Variants in F13A1 observed in about 807,000 individuals in gnomAD.
The protein encoded by F13A1 is coagulation factor XIII A chain, also known as FSF, A subunit.
A neutral mutation model predicts 80.1 loss-of-function variants in F13A1; 47 were observed. The ratio of observed to expected loss-of-function variants is 0.59; its 90% confidence interval spans 0.46 to 0.75. The LOEUF (loss-of-function observed/expected upper bound fraction) is 0.75. F13A1 is among the 30% of genes least tolerant of loss of function. F13A1 has a pLI of 0.00. For missense variants in F13A1, 817 were observed against 930.4 expected (o/e 0.88, Z 1.59); for synonymous variants, 349 against 344.9 (o/e 1.01, Z -0.13).
chr6:6,253,162 A>AG (rs1554102994), intron 4 of F13A1, among the ~76,000 whole-genome samples: 44 of 106,334 alleles, frequency 4.1e-4, no homozygotes, highest in South Asian at 1.3e-3. Flanking sequence ...AAAAAAAAAA[A>AG]AGAGAGAGAG....
intron 12 of F13A1, among the ~76,000 whole-genome samples, chr6:6,171,065 G>A (rs904721560): frequency 6.6e-6 from 1 of 152,080 alleles, no homozygotes; most frequent in Non-Finnish European, 1.5e-5. Flanking sequence ...ACCCATACAA[G>A]CTCATTCTTT....
chr6:6,228,360 T>G (rs1757304406), intron 6 of F13A1, among the ~76,000 whole-genome samples: 1 of 152,148 alleles, frequency 6.6e-6, no homozygotes, highest in Admixed American at 6.6e-5. Flanking sequence ...ATGGCTCAGC[T>G]CCTAACCTTA....
chr6:6,279,394 C>T (rs1048128446), intron 3 of F13A1, among the ~76,000 whole-genome samples: 2 of 152,212 alleles, frequency 1.3e-5, no homozygotes, highest in African/African-American at 4.8e-5. Flanking sequence ...ATAAACCAAA[C>T]TGCATACCCA....
chr6:6,144,634 G>A lies in F13A1; in HGVS notation c.*985C>T, dbSNP rs989076319. On this transcript the variant is annotated 3_prime_UTR_variant, in exon 15 of 15. Coordinates refer to ENST00000264870, the MANE Select transcript of F13A1 (RefSeq NM_000129.4). ...AAGCTGAGGTCTCAACATGGGTGAT[G>A]TGAAGGACAAGAGAGAATCAGTGGC... 1 of 152,198 alleles carries A rather than the reference G, an allele frequency of 6.6e-6. No individual in the cohort carries two copies. Among genetic ancestry groups the A allele is most frequent in the Non-Finnish European group, 1.5e-5 (1 of 68,044 alleles). The allele number at this position is 152,198 out of a possible 1,614,324, so 9.4% of individuals were successfully genotyped here.
chr6:6,183,714 C>T (rs1761028528), intron 10 of F13A1, among the ~76,000 whole-genome samples: 1 of 152,166 alleles, frequency 6.6e-6, no homozygotes, highest in Non-Finnish European at 1.5e-5. Context: ...TAGAAAGTAA[C>T]AGCCAAGGTG....
At chr6:6,220,037 C>A (rs1359355909) in intron 8 of F13A1, among the ~76,000 whole-genome samples, 1 of 152,200 alleles carries the variant, frequency 6.6e-6, no homozygotes, top group Non-Finnish European at 1.5e-5. Context: ...TGCCCAAAGT[C>A]ACACAGCTTG....
At chr6:6,263,476 C>CCTCCTTTGTTGACTT (rs1210946622) in intron 4 of F13A1, among the ~76,000 whole-genome samples, 2 of 152,154 alleles carry the variant, frequency 1.3e-5, no homozygotes, top group Non-Finnish European at 2.9e-5. Flanking sequence ...TCCTGCTCAG[C>CCTCCTTTGTTGACTT]CTCCTTTGTT....
intron 3 of F13A1, among the ~76,000 whole-genome samples, chr6:6,273,378 G>A (rs1757947010): frequency 6.6e-6 from 1 of 152,152 alleles, no homozygotes; most frequent in Admixed American, 6.5e-5. Flanking sequence ...TAGAAGCTCT[G>A]GAATGAGATG....
At chr6:6,251,042 T>C in intron 4 of F13A1, 113 bp from the exon 5 acceptor site, 3 of 831,652 alleles carry the variant, frequency 3.6e-6, no homozygotes, top group South Asian at 1.3e-5. Flanking sequence ...GCCAAATTTT[T>C]AAAAAATGCC....
At chr6:6,264,614 C>T (rs533666116) in intron 4 of F13A1, among the ~76,000 whole-genome samples, 3 of 152,122 alleles carry the variant, frequency 2.0e-5, no homozygotes, top group Non-Finnish European at 2.9e-5. Flanking sequence ...CTCTGATTTT[C>T]TTCTCCAGAT....
intron 13 of F13A1, among the ~76,000 whole-genome samples, chr6:6,153,854 C>T (rs142296699): frequency 1.3e-5 from 2 of 152,218 alleles, no homozygotes; most frequent in South Asian, 2.1e-4. Flanking sequence ...TGTATCAGCT[C>T]GATCAGACTA....
intron 4 of F13A1, among the ~76,000 whole-genome samples, chr6:6,263,159 C>T (rs1321674360): frequency 6.6e-6 from 1 of 152,214 alleles, no homozygotes; most frequent in East Asian, 1.9e-4. Flanking sequence ...TCTCCTTTGA[C>T]CTTCGCTTCA....
intron 3 of F13A1, among the ~76,000 whole-genome samples, chr6:6,280,890 A>T (rs1351891885): frequency 1.3e-5 from 2 of 152,214 alleles, no homozygotes; most frequent in Non-Finnish European, 2.9e-5. Flanking sequence ...AAAGTGGCAC[A>T]GTGGAATTTC....
intron 3 of F13A1, among the ~76,000 whole-genome samples, chr6:6,269,967 C>A (rs1047561760): frequency 4.6e-5 from 7 of 152,284 alleles, no homozygotes; most frequent in South Asian, 4.1e-4. Context: ...CCGCCTAGGC[C>A]TCCCAAAGTG....
At chr6:6,310,200 G>A (rs1742938) in intron 2 of F13A1, among the ~76,000 whole-genome samples, 111,430 of 152,116 alleles carry the variant, frequency 0.73, 41,222 homozygotes, top group East Asian at 0.86. Flanking sequence ...GGAAAATGCT[G>A]GCCTAACCAA....
intron 6 of F13A1, among the ~76,000 whole-genome samples, chr6:6,238,500 T>C (rs1757441731): frequency 6.6e-6 from 1 of 152,090 alleles, no homozygotes; most frequent in African/African-American, 2.4e-5. Context: ...GGGATGACTA[T>C]TAAAGAACAA....
chr6:6,161,551 T>TGTGTGTGTGTGTGTGTGTGTGTGTGTGA (rs1010361754), intron 13 of F13A1, among the ~76,000 whole-genome samples: 1 of 146,282 alleles, frequency 6.8e-6, no homozygotes, highest in African/African-American at 2.5e-5. Context: ...TGTGTGTGTG[T>TGTGTGTGTGTGTGTGTGTGTGTGTGTGA]GAGAGAGAGA....
chr6:6,149,026 A>C (rs1343401133), intron 14 of F13A1, among the ~76,000 whole-genome samples: 3 of 152,182 alleles, frequency 2.0e-5, no homozygotes, highest in Non-Finnish European at 4.4e-5. Flanking sequence ...ATAGAAGCAA[A>C]GAGCAGAACA....
intron 2 of F13A1, among the ~76,000 whole-genome samples, chr6:6,309,332 GGGA>G (rs1168823145): frequency 6.6e-6 from 1 of 152,062 alleles, no homozygotes; most frequent in African/African-American, 2.4e-5. Flanking sequence ...GGGAGTATCA[GGGA>G]GGAGCCCCTA....
Sources: gnomAD v4.1 joint callset for allele counts (sites outside exome capture counted in the v4.1 genomes callset) on GRCh38, gnomAD v4.1.1 for gene constraint, MANE v1.5 for transcripts, NCBI Gene and HGNC (gene_info 2026-07-23, HGNC 2026-07-21) for gene names.